The following NPR3 variants were observed in gnomAD, a reference collection of about 807,000 sequenced individuals.
The protein encoded by NPR3 is natriuretic peptide receptor 3.
NPR3 carries 34 observed loss-of-function variants against 54.5 expected under a neutral mutation model. That is an observed-to-expected ratio of 0.62 (90% confidence interval 0.47 to 0.83). NPR3 has a LOEUF of 0.83. NPR3 is among the 40% of genes least tolerant of loss of function. The pLI, the probability that NPR3 is intolerant of heterozygous loss-of-function variation, is 0.00. For missense variants in NPR3, 674 were observed against 720.8 expected, an observed-to-expected ratio of 0.94 and a Z score of 0.74; for synonymous variants, 289 against 297.1, an observed-to-expected ratio of 0.97 and a Z score of 0.28.
chr5:32,777,900 A>G (rs1373333463), intron 4 of NPR3, among the ~76,000 whole-genome samples: 1 of 152,224 alleles, frequency 6.6e-6, no homozygotes, highest in African/African-American at 2.4e-5. Context: ...GAAGTTTTGC[A>G]CAATACACTG....
At chr5:32,713,269 C>T (rs911136547) in intron 1 of NPR3, 1 of 985,298 alleles carries the variant, frequency 1.0e-6, no homozygotes, top group African/African-American at 1.7e-5. Context: ...TTTGAAGAAA[C>T]GAGCGCTGAA....
rs369175821 is a variant in NPR3, at chr5:32,784,915, C to G, written c.1514+32C>G. 4.2e-5 allele frequency: 61 copies of G among 1,438,772 alleles called. No homozygotes were observed. In the African/African-American group the frequency reaches 7.6e-4, roughly 18 times the overall value. The allele number at this position is 1,438,772 out of a possible 1,614,324, so 89.1% of individuals were successfully genotyped here. A position where few individuals can be genotyped will look rare whatever the true frequency, so the allele number is the denominator to read the frequency against. On this transcript the variant is annotated intron_variant, in intron 7 of 7. Transcript: ENST00000265074. Reference sequence around the variant, plus strand: ...ACGGTTTGTAAAGGTACAATTCACTCTCTTCTGCTGTCTTTGTCATTTGAT... The same window carrying G: ...ACGGTTTGTAAAGGTACAATTCACTGTCTTCTGCTGTCTTTGTCATTTGAT...
intron 3 of NPR3, among the ~76,000 whole-genome samples, chr5:32,744,333 A>G (rs1306194928): frequency 1.3e-5 from 2 of 152,176 alleles, no homozygotes; most frequent in Non-Finnish European, 2.9e-5. Flanking sequence ...CACTGGAGGC[A>G]GTGCAGCCCA....
chr5:32,728,263 G>C (rs548914733), intron 2 of NPR3, among the ~76,000 whole-genome samples: 23 of 152,250 alleles, frequency 1.5e-4, no homozygotes, highest in African/African-American at 5.1e-4. Flanking sequence ...AGGAGTTCAA[G>C]ACCAGCCTGG....
chr5:32,789,809 T>C lies in NPR3; in HGVS notation c.*3464T>C, dbSNP rs748526154. 2.0e-6 allele frequency: 1 copy of C among 498,822 alleles called. No homozygotes were observed. The highest frequency in any genetic ancestry group is 4.1e-6 in the Non-Finnish European group (1 of 243,866). 30.9% of individuals were successfully genotyped at this position (498,822 alleles called of 1,614,324 possible). A position where few individuals can be genotyped will look rare whatever the true frequency, so the allele number is the denominator to read the frequency against. On this transcript the variant is annotated 3_prime_UTR_variant, in exon 8 of 8. Coordinates refer to ENST00000265074, the MANE Select transcript of NPR3 (RefSeq NM_001204375.2). ...GATGGATTCAGAAAGTAGGTTCCAG[T>C]GGCGTCACTACCTTCTTGTAAGCCA...
intron 3 of NPR3, among the ~76,000 whole-genome samples, chr5:32,763,883 G>A (rs1190759568): frequency 6.6e-6 from 1 of 152,220 alleles, no homozygotes; most frequent in African/African-American, 2.4e-5. Flanking sequence ...ATTACTGACT[G>A]ACGTCCTTGA....
rs777669936 is a variant in NPR3, at chr5:32,712,375, C to G, written c.599C>G (p.Ala200Gly). 1 of 1,612,922 alleles carries G rather than the reference C, an allele frequency of 6.2e-7. No homozygotes were observed. Among genetic ancestry groups the G allele is most frequent in the Admixed American group, 1.7e-5 (1 of 59,938 alleles). The part of the protein sequence containing the change: ...ALFRHHHWSR[A>G]ALVYSDDKLE... ...TTCCGCCACCACCACTGGAGCCGCG[C>G]TGCACTGGTCTACAGCGACGACAAG... The change falls in exon 1 of 8, where the codon GCT becomes GGT. Residue 200 changes from alanine to glycine, a missense_variant. Transcript: ENST00000265074.
intron 3 of NPR3, among the ~76,000 whole-genome samples, chr5:32,756,744 A>G (rs750329003): frequency 2.8e-4 from 42 of 152,286 alleles, no homozygotes; most frequent in Non-Finnish European, 5.4e-4. Context: ...TAGGTCTAAC[A>G]TTTAAGTCTT....
Position 32,788,194 on chromosome 5 carries a change from G to T in NPR3, c.*1849G>T, listed in dbSNP as rs1006748823. The T allele has an allele frequency of 1.3e-5, 2 of 152,228 alleles. No homozygotes were observed. The highest frequency in any genetic ancestry group is 4.8e-5 in the African/African-American group (2 of 41,450). The allele number at this position is 152,228 out of a possible 1,614,324, so 9.4% of individuals were successfully genotyped here. Reference sequence around the variant, plus strand: ...AGGCAGCTGAGAGGGCGTGATAAAAGAATTAAGTGTGATCAACTGAAACAA... The same window carrying T: ...AGGCAGCTGAGAGGGCGTGATAAAATAATTAAGTGTGATCAACTGAAACAA... On this transcript the variant is annotated 3_prime_UTR_variant, in exon 8 of 8. Coordinates refer to ENST00000265074, the MANE Select transcript of NPR3 (RefSeq NM_001204375.2).
intron 1 of NPR3, among the ~76,000 whole-genome samples, chr5:32,719,332 T>TC (rs1442488865): frequency 6.6e-6 from 1 of 152,184 alleles, no homozygotes; most frequent in East Asian, 1.9e-4. Context: ...GACCACATCC[T>TC]CCAAGAGCTT....
chr5:32,736,429 T>G (rs1739754199), intron 2 of NPR3, among the ~76,000 whole-genome samples: 1 of 152,168 alleles, frequency 6.6e-6, no homozygotes, highest in African/African-American at 2.4e-5. Context: ...TACAAGTCTG[T>G]AGAGTTAAGC....
chr5:32,771,669 T>C (rs1419796504), intron 3 of NPR3, among the ~76,000 whole-genome samples: 1 of 152,132 alleles, frequency 6.6e-6, no homozygotes, highest in Non-Finnish European at 1.5e-5. Context: ...GAGAAGGGGA[T>C]GGGTGATGCC....
chr5:32,718,622 A>T (rs866617099), intron 1 of NPR3, among the ~76,000 whole-genome samples: 1 of 152,078 alleles, frequency 6.6e-6, no homozygotes, highest in Non-Finnish European at 1.5e-5. Flanking sequence ...TGTGAATGGG[A>T]GTTCACTTAT....
rs1740512875 is a variant in NPR3 at position 32,750,325 on chromosome 5, A to G, written c.1059+11295A>G. Among the ~76,000 whole-genome samples, 4 of 152,022 alleles carry G rather than the reference A, an allele frequency of 2.6e-5. No individual in the cohort carries two copies. The South Asian group carries it at 6.2e-4, about 24-fold the overall frequency. On this transcript the variant is annotated intron_variant, in intron 3 of 7. Transcript: ENST00000265074. ...TAATTTTTGGATTTTTAGTAGAGAC[A>G]GGGTTTCACCATGTCGGTCAGGCTT...
At chr5:32,767,270 T>C (rs1324330014) in intron 3 of NPR3, among the ~76,000 whole-genome samples, 1 of 152,222 alleles carries the variant, frequency 6.6e-6, no homozygotes, top group Non-Finnish European at 1.5e-5. Context: ...TCTTAAAAAC[T>C]TGCCCACTCA....
upstream of NPR3, among the ~76,000 whole-genome samples, chr5:32,707,240 A>C (rs1738021086): frequency 2.6e-5 from 4 of 152,124 alleles, no homozygotes; most frequent in South Asian, 8.3e-4. Flanking sequence ...TTTCAAAAGA[A>C]CCCCTTAAGG....
Position 32,780,752 on chromosome 5 carries a change from A to G in NPR3, c.1226A>G (p.Asn409Ser), listed in dbSNP as rs770079486. The change falls in exon 5 of 8, where the codon AAC becomes AGC. Residue 409 changes from asparagine (N) to serine (S), a missense_variant. By Grantham distance (46) the Asn-to-Ser change is conservative. Transcript: ENST00000265074. The stretch of plus-strand genomic sequence containing the variant: ...GCCGGGCAGGTGTCCATAGATGCCA[A>G]CGGAGACCGATATGGGGATTTCTCT... ...GIAGQVSIDANGDRYGDFSVI... is the reference protein window; with the variant it reads ...GIAGQVSIDASGDRYGDFSVI... The G allele has an allele frequency of 1.7e-5, 27 of 1,598,450 alleles. No homozygotes were observed. In the African/African-American group the frequency reaches 2.3e-4, roughly 13 times the overall value.
upstream of NPR3, chr5:32,710,588 G>A (rs1738155849): frequency 1.4e-5 from 19 of 1,390,762 alleles, no homozygotes; most frequent in South Asian, 1.7e-5. Flanking sequence ...TGGCCCAGGG[G>A]GAGGGGGCTG....
At chr5:32,705,777 G>A (rs747786835), upstream of NPR3, among the ~76,000 whole-genome samples, 7 of 152,132 alleles carry the variant, frequency 4.6e-5, no homozygotes, top group African/African-American at 1.7e-4. Context: ...GAAGACCAGC[G>A]ATTAACAGCA....
Sources: gnomAD v4.1 joint callset for allele counts (sites outside exome capture counted in the v4.1 genomes callset) on GRCh38, gnomAD v4.1.1 for gene constraint, MANE v1.5 for transcripts, NCBI Gene and HGNC (gene_info 2026-07-23, HGNC 2026-07-21) for gene names.